Variants in SWI5 observed in about 807,000 individuals in gnomAD.
SWI5 encodes DNA repair protein SWI5 homolog.
Under a neutral mutation model 17.0 loss-of-function variants are expected in SWI5, and 12 were observed. That is an observed-to-expected ratio of 0.71 (90% CI 0.45 to 1.14). SWI5 has a LOEUF of 1.14. Ranked by LOEUF, SWI5 falls within the 50% of genes most tolerant of loss-of-function variation. The pLI is 0.00. For missense variants in SWI5, 158 were observed against 162.2 expected, an observed-to-expected ratio of 0.97 and a Z score of 0.14; for synonymous variants, 61 against 64.0, an observed-to-expected ratio of 0.95 and a Z score of 0.22.
At chr9:128,276,221 C>G (rs762033604), upstream of SWI5, 24 of 1,611,078 alleles carry the variant, frequency 1.5e-5, no homozygotes, top group Non-Finnish European at 2.0e-5. Context: ...CCGCCCACCT[C>G]GGGAGAGGGG....
intron 2 of SWI5, among the ~76,000 whole-genome samples, chr9:128,282,136 C>A (rs777298533): frequency 6.6e-6 from 1 of 152,120 alleles, no homozygotes; most frequent in Non-Finnish European, 1.5e-5. Flanking sequence ...CGCCTGTAAT[C>A]CCAGCACTTT....
chr9:128,284,979 A>C (rs1396536444), intron 3 of SWI5, among the ~76,000 whole-genome samples: 1 of 149,028 alleles, frequency 6.7e-6, no homozygotes, highest in Non-Finnish European at 1.5e-5. Context: ...AAAAAAAAAA[A>C]AGGTTTAACT....
chr9:128,280,493 G>T (rs1191603961), intron 2 of SWI5, among the ~76,000 whole-genome samples: 1 of 148,522 alleles, frequency 6.7e-6, no homozygotes, highest in African/African-American at 2.5e-5. Flanking sequence ...ACTACTCATG[G>T]TTGCATCTGT....
chr9:128,277,285 C>G (rs1564372280), intron 2 of SWI5, among the ~76,000 whole-genome samples: 1 of 152,192 alleles, frequency 6.6e-6, no homozygotes, highest in Non-Finnish European at 1.5e-5. Context: ...GGTGCAGTGG[C>G]TCACACCTGT....
At chr9:128,278,637 C>G (rs188653647) in intron 2 of SWI5, 2 of 471,732 alleles carry the variant, frequency 4.2e-6, no homozygotes, top group Admixed American at 4.7e-5. Flanking sequence ...TTTCCAGTTC[C>G]TTCCAGCAAC....
At chr9:128,276,059 C>A (rs1482684507), upstream of SWI5, 2 of 1,584,410 alleles carry the variant, frequency 1.3e-6, no homozygotes, top group Non-Finnish European at 1.7e-6. Flanking sequence ...GTAACCAGGG[C>A]GATACTGGAG....
upstream of SWI5, chr9:128,276,027 G>A: frequency 1.3e-6 from 2 of 1,590,838 alleles, no homozygotes; most frequent in East Asian, 2.2e-5. Context: ...CCGCGCAGCT[G>A]TGCGACGGAG....
chr9:128,284,394 G>T, intron 2 of SWI5, 116 bp from the exon 3 acceptor site: 1 of 1,241,056 alleles, frequency 8.1e-7, no homozygotes, highest in Non-Finnish European at 1.1e-6. Flanking sequence ...CAGTCTTATT[G>T]AGGGGGTTAG....
In SWI5 at chr9:128,285,885, C is replaced by T. The variant is rs575053537; in HGVS notation, c.234-54C>T. The T allele has an allele frequency of 1.3e-4, 161 of 1,252,316 alleles. 2 individuals carry two copies. In the South Asian group the frequency reaches 1.6e-3, roughly 13 times the overall value. 77.6% of individuals were successfully genotyped at this position (1,252,316 alleles called of 1,614,324 possible). On this transcript the variant is annotated intron_variant, in intron 3 of 4. Transcript: ENST00000418976. This position sits in a 1 kb window ranked among gnomAD's most constrained non-coding sequence, Gnocchi z 4.8. ...TATTACTATCTGAGCCTGGGGCCAT[C>T]ATCTGCTTTCTTAACTGGGCTGTCT...
chr9:128,281,632 C>T (rs1440251455), intron 2 of SWI5, among the ~76,000 whole-genome samples: 1 of 152,216 alleles, frequency 6.6e-6, no homozygotes, highest in Non-Finnish European at 1.5e-5. Flanking sequence ...TGAGTGTCTA[C>T]TATGTGCCAT....
rs1239242540 is a variant in SWI5, at chr9:128,285,940, G to A, written c.235G>A (p.Gly79Ser). The change falls in exon 4 of 5, where the codon GGC becomes AGC. Residue 79 changes from glycine to serine, a missense_variant and splice_region_variant. Physicochemically the swap from Gly to Ser is moderately conservative, Grantham distance 56 (BLOSUM62 0). Transcript: ENST00000418976. The surrounding 1 kb of genome is among the most constrained non-coding windows in gnomAD (Gnocchi z 4.8). ...CCCTCTCTCCATCGCTTATCCCAGA[G>A]GCTACAGTGTGGATGAACTGGAGGA... is the stretch of plus-strand genomic sequence containing the variant. The A allele has an allele frequency of 6.2e-7, 1 of 1,612,404 alleles. No individual in the cohort carries two copies.
At chr9:128,288,947 G>T (rs1020285347) in exon 5 of SWI5, 2 of 581,924 alleles carry the variant, frequency 3.4e-6, no homozygotes, top group Non-Finnish European at 6.1e-6. Flanking sequence ...CTTGTGTAGG[G>T]GTACATGTAC....
At chr9:128,276,374 C>T (rs1281467692) in exon 1 of SWI5, 3 of 1,613,138 alleles carry the variant, frequency 1.9e-6, no homozygotes, top group South Asian at 2.2e-5. Context: ...CCCCCTGATC[C>T]GGGGGCCTCG....
chr9:128,276,471 C>A, intron 1 of SWI5, 69 bp downstream of exon 1: 1 of 1,585,038 alleles, frequency 6.3e-7, no homozygotes, highest in Admixed American at 1.7e-5. Flanking sequence ...CTCTCCCTTC[C>A]CAGAAATCAC....
intron 4 of SWI5, among the ~76,000 whole-genome samples, chr9:128,287,164 G>T (rs1338447263): frequency 1.5e-5 from 2 of 136,078 alleles, no homozygotes; most frequent in African/African-American, 2.9e-5. Flanking sequence ...AAAAAAAAAG[G>T]CCGGGCTCGC....
At chr9:128,286,283 AGACT>A in intron 4 of SWI5, 1 of 473,724 alleles carries the variant, frequency 2.1e-6, no homozygotes, top group Non-Finnish European at 3.9e-6. Flanking sequence ...CCCATCTGCC[AGACT>A]GAGAACTCAG....
intron 4 of SWI5, among the ~76,000 whole-genome samples, chr9:128,287,141 C>CA (rs35520517): frequency 0.023 from 1,136 of 50,048 alleles, 22 homozygotes; most frequent in African/African-American, 0.034. Flanking sequence ...AACTCCATCT[C>CA]AAAAAAAAAA....
rs1273841672 is a variant in SWI5 at position 128,285,368 on chromosome 9, G to A, written c.234-571G>A. Among the ~76,000 whole-genome samples, 1 of 152,196 alleles carries A rather than the reference G, an allele frequency of 6.6e-6. No individual in the cohort carries two copies. Among genetic ancestry groups the A allele is most frequent in the Non-Finnish European group, 1.5e-5 (1 of 68,038 alleles). On this transcript the variant is annotated intron_variant, in intron 3 of 4. Coordinates refer to ENST00000418976, the Ensembl canonical transcript of SWI5. This position sits in a 1 kb window ranked among gnomAD's most constrained non-coding sequence, Gnocchi z 4.8. ...GACATAGCAGCAGCCTCTCAGGTAG[G>A]GAGATGCTCAGGCTGTGGGAGGGCC... is the stretch of plus-strand genomic sequence containing the variant.
intron 2 of SWI5, among the ~76,000 whole-genome samples, chr9:128,277,996 G>A (rs1433826784): frequency 1.4e-5 from 2 of 143,650 alleles, no homozygotes; most frequent in South Asian, 2.2e-4. Context: ...TCTGTCGCCC[G>A]GGCTGGAGTG....
Sources: allele counts gnomAD v4.1 joint callset (sites outside exome capture counted in the v4.1 genomes callset), GRCh38; gene constraint gnomAD v4.1.1; non-coding constraint Gnocchi (gnomAD v3.1); transcripts MANE v1.5; gene names NCBI Gene and HGNC (gene_info 2026-07-23, HGNC 2026-07-21).